SPIRE1: variants seen among roughly 807,000 people sequenced by gnomAD.
The protein encoded by SPIRE1 is protein spire homolog 1.
SPIRE1 carries 40 observed loss-of-function variants against 94.1 expected under a neutral mutation model. The ratio of observed to expected loss-of-function variants is 0.43; its 90% confidence interval spans 0.33 to 0.55. The LOEUF (loss-of-function observed/expected upper bound fraction) is 0.55. Ranked by LOEUF, SPIRE1 falls within the 20% of genes least tolerant of loss-of-function variation. The pLI, the probability that SPIRE1 is intolerant of heterozygous loss-of-function variation, is 0.06. For missense variants in SPIRE1, 838 were observed against 975.2 expected, an observed-to-expected ratio of 0.86 and a Z score of 1.87; for synonymous variants, 376 against 371.7, an observed-to-expected ratio of 1.01 and a Z score of -0.13.
intron 6 of SPIRE1, among the ~76,000 whole-genome samples, chr18:12,505,079 T>A (rs1485442268): frequency 6.6e-6 from 1 of 152,104 alleles, no homozygotes; most frequent in African/African-American, 2.4e-5. Context: ...CTGAGGGTGA[T>A]GAAAAGCCAG....
At chr18:12,465,390 C>G (rs2032050246) in intron 10 of SPIRE1, among the ~76,000 whole-genome samples, 1 of 152,122 alleles carries the variant, frequency 6.6e-6, no homozygotes, top group East Asian at 1.9e-4. Flanking sequence ...GCCTAGCTGG[C>G]CTTGAGCTCA....
intron 4 of SPIRE1, among the ~76,000 whole-genome samples, chr18:12,529,957 T>C (rs989992507): frequency 6.6e-6 from 1 of 152,234 alleles, no homozygotes; most frequent in African/African-American, 2.4e-5. Context: ...TTTCTACCAG[T>C]AGATTGTGAA....
chr18:12,482,333 C>A (rs750065575), intron 9 of SPIRE1, among the ~76,000 whole-genome samples: 2 of 151,938 alleles, frequency 1.3e-5, no homozygotes, highest in Non-Finnish European at 2.9e-5. Context: ...TTAGTAGAGT[C>A]GAGGTTTCGC....
chr18:12,652,392 T>C lies in SPIRE1; in HGVS notation c.337+5138A>G, dbSNP rs905847306. 2.2e-4 allele frequency among the ~76,000 whole-genome samples: 34 copies of C among 152,198 alleles called. 1 individual carries two copies. Among genetic ancestry groups the C allele is most frequent in the Non-Finnish European group, 2.9e-5 (2 of 68,030 alleles). On this transcript the variant is annotated intron_variant, in intron 1 of 16. Coordinates refer to ENST00000409402, the MANE Select transcript of SPIRE1 (RefSeq NM_001128626.2). Reference sequence around the variant, plus strand: ...AACAAAGTCTTATTATTACTACAACTGCATAAACACTGGAGAAAATAAAAT... The same window carrying C: ...AACAAAGTCTTATTATTACTACAACCGCATAAACACTGGAGAAAATAAAAT...
intron 12 of SPIRE1, among the ~76,000 whole-genome samples, chr18:12,459,512 AG>A (rs556999553): frequency 2.0e-5 from 3 of 152,370 alleles, no homozygotes; most frequent in Non-Finnish European, 4.4e-5. Context: ...AGGTCACCCG[AG>A]GAGACAAACA....
intron 2 of SPIRE1, among the ~76,000 whole-genome samples, chr18:12,558,370 T>G (rs1449374629): frequency 6.6e-6 from 1 of 152,102 alleles, no homozygotes; most frequent in Non-Finnish European, 1.5e-5. Context: ...ACTTTCGTGG[T>G]GAGTGTTACA....
chr18:12,609,355 T>C (rs996400874), intron 2 of SPIRE1, among the ~76,000 whole-genome samples: 3 of 152,182 alleles, frequency 2.0e-5, no homozygotes, highest in Non-Finnish European at 4.4e-5. Flanking sequence ...TCAGGAATCT[T>C]ACAAGCTGGT....
rs1001946894 is a variant in SPIRE1 at position 12,580,486 on chromosome 18, G to C, written c.373-33582C>G. On this transcript the variant is annotated intron_variant, in intron 2 of 16. Coordinates refer to ENST00000409402, the MANE Select transcript of SPIRE1 (RefSeq NM_001128626.2). ...TTACAGGTGTGCACCACCATGCCCG[G>C]CTAATTTTTGCATTTTCAGTAGAGA... Among the ~76,000 whole-genome samples the C allele has an allele frequency of 9.9e-5, 15 of 152,018 alleles. 1 individual carries two copies. Among genetic ancestry groups the C allele is most frequent in the African/African-American group, 2.9e-4 (12 of 41,374 alleles).
intron 2 of SPIRE1, among the ~76,000 whole-genome samples, chr18:12,607,952 C>T (rs1408664211): frequency 2.0e-5 from 3 of 151,940 alleles, no homozygotes; most frequent in Non-Finnish European, 2.9e-5. Context: ...GTCAGGAGAT[C>T]GAGACCATCC....
In SPIRE1 at chr18:12,621,040, C is replaced by T. The variant is rs117879739; in HGVS notation, c.372+14022G>A. Among the ~76,000 whole-genome samples the T allele has an allele frequency of 9.4e-3, 1,436 of 152,080 alleles. 55 individuals are homozygous for T. The highest frequency in any genetic ancestry group is 0.06 in the Admixed American group (919 of 15,262). On this transcript the variant is annotated intron_variant, in intron 2 of 16. Transcript: ENST00000409402. ...ACTGCACTCTAGCCTGGTGAGAGAGCGAGACCATGTCTCTTAAAAAAAGGG... is the reference window on the plus strand; with the variant it reads ...ACTGCACTCTAGCCTGGTGAGAGAGTGAGACCATGTCTCTTAAAAAAAGGG...
intron 2 of SPIRE1, among the ~76,000 whole-genome samples, chr18:12,590,509 A>G (rs2144584057): frequency 6.6e-6 from 1 of 152,330 alleles, no homozygotes; most frequent in South Asian, 2.1e-4. Context: ...AGCCCAAAGG[A>G]AAAAAACAAA....
intron 2 of SPIRE1, among the ~76,000 whole-genome samples, chr18:12,558,572 T>C (rs1221770351): frequency 3.3e-5 from 5 of 152,194 alleles, no homozygotes; most frequent in Non-Finnish European, 7.3e-5. Flanking sequence ...AGAGAGCTGA[T>C]TGGTCTGTTT....
rs777094617 is a variant in SPIRE1 at position 12,453,090 on chromosome 18, A to G, written c.1825T>C (p.Tyr609His). ...TRRFSFFTWS[Y>H]TCQFCKRPVC... is the part of the protein sequence containing the mutation. ...TACCTCTTACAGAACTGACAGGTAT[A>G]AGACCAAGTGAAGAAGGAAAACCTC... is the stretch of plus-strand genomic sequence containing the variant. Residue 609 changes from tyrosine to histidine, a missense_variant, in exon 14 of 17, where the codon TAT becomes CAT. This residue lies in a region of SPIRE1 where 645 missense variants were observed against 804.7 expected (regional missense o/e 0.80). Transcript: ENST00000409402. 6.2e-7 allele frequency: 1 copy of G among 1,607,070 alleles called. No individual in the cohort carries two copies. The highest frequency in any genetic ancestry group is 8.5e-7 in the Non-Finnish European group (1 of 1,178,180).
intron 2 of SPIRE1, among the ~76,000 whole-genome samples, chr18:12,547,714 A>G (rs531764803): frequency 2.0e-5 from 3 of 152,096 alleles, no homozygotes; most frequent in Non-Finnish European, 4.4e-5. Flanking sequence ...GGCTGAGGCG[A>G]GCAGATCACT....
chr18:12,616,519 A>C (rs2037312688), intron 2 of SPIRE1, among the ~76,000 whole-genome samples: 2 of 152,212 alleles, frequency 1.3e-5, no homozygotes, highest in South Asian at 4.1e-4. Flanking sequence ...ACAAGAGAAG[A>C]GAAAGTTGAA....
intron 2 of SPIRE1, among the ~76,000 whole-genome samples, chr18:12,556,667 G>T (rs932451590): frequency 1.3e-5 from 2 of 151,844 alleles, no homozygotes; most frequent in Admixed American, 6.6e-5. Context: ...ATCTGGAGTT[G>T]TTCATTCCTC....
upstream of SPIRE1, chr18:12,658,163 C>A (rs924994647): frequency 8.7e-6 from 8 of 920,890 alleles, no homozygotes; most frequent in African/African-American, 1.5e-4. Flanking sequence ...CCAGCGCCCG[C>A]CCCTTAGGGG....
chr18:12,458,614 A>C (rs897613478), intron 12 of SPIRE1, among the ~76,000 whole-genome samples: 1 of 151,826 alleles, frequency 6.6e-6, no homozygotes, highest in African/African-American at 2.4e-5. Context: ...ACTCCATCTC[A>C]AAAAAAACAA....
Position 12,493,910 on chromosome 18 carries a change from G to GT in SPIRE1, c.1060-710dup, listed in dbSNP as rs1182791883. Among the ~76,000 whole-genome samples the GT allele has an allele frequency of 5.3e-5, 8 of 151,376 alleles. No individual in the cohort carries two copies. In the East Asian group the frequency reaches 1.2e-3, roughly 22 times the overall value. ...TTTTTTTGTGTTTTTGTTTTGTTTT[G>GT]TTTTTTGTTTTTGAGACAGGGTCTT... is the stretch of plus-strand genomic sequence containing the variant. On this transcript the variant is annotated intron_variant, in intron 7 of 16. Coordinates refer to ENST00000409402, the MANE Select transcript of SPIRE1 (RefSeq NM_001128626.2).
Sources: allele counts gnomAD v4.1 joint callset (sites outside exome capture counted in the v4.1 genomes callset), GRCh38; gene constraint gnomAD v4.1.1; regional missense constraint gnomAD v4.1.1; transcripts MANE v1.5; gene names NCBI Gene and HGNC (gene_info 2026-07-23, HGNC 2026-07-21).